The following ETFBKMT variants were observed in gnomAD, a reference collection of about 807,000 sequenced individuals.
The protein encoded by ETFBKMT is electron transfer flavoprotein subunit beta lysine methyltransferase.
Under a neutral mutation model 18.3 loss-of-function variants are expected in ETFBKMT, and 13 were observed. The observed-to-expected ratio is 0.71, with a 90% CI of 0.46 to 1.13. The LOEUF (loss-of-function observed/expected upper bound fraction) is 1.13. Among genes scored for constraint, ETFBKMT ranks in the 50% most tolerant of loss-of-function variants. ETFBKMT has a pLI of 0.00. For synonymous variants in ETFBKMT, 84 were observed against 107.9 expected, an observed-to-expected ratio of 0.78 and a Z score of 1.37; for missense variants, 293 against 306.2, an observed-to-expected ratio of 0.96 and a Z score of 0.32.
rs556605751 is a variant in ETFBKMT, at chr12:31,670,199, A to G, written c.*2209A>G. 1.3e-5 allele frequency: 2 copies of G among 152,326 alleles called. No individual in the cohort carries two copies. Among genetic ancestry groups the G allele is most frequent in the African/African-American group, 2.4e-5 (1 of 41,560 alleles). The allele number at this position is 152,326 out of a possible 1,614,324, so 9.4% of individuals were successfully genotyped here. A position where few individuals can be genotyped will look rare whatever the true frequency, so the allele number is the denominator to read the frequency against. On this transcript the variant is annotated 3_prime_UTR_variant, in exon 4 of 4. Coordinates refer to ENST00000357721, the MANE Select transcript of ETFBKMT (RefSeq NM_001135863.2). ...ATCCACATGGAGCCTCCAGCAACTC[A>G]GGAATTACAGCATAAATGTTCCTAT...
At chr12:31,649,769 C>CTTTT (rs61406039) in intron 1 of ETFBKMT, among the ~76,000 whole-genome samples, 10 of 142,786 alleles carry the variant, frequency 7.0e-5, no homozygotes, top group South Asian at 2.2e-4. Flanking sequence ...TTTTCCTTTT[C>CTTTT]TTTTTTTTTT....
chr12:31,652,799 G>A lies in ETFBKMT; in HGVS notation c.-114+5544G>A, dbSNP rs910873868. On this transcript the variant is annotated intron_variant, in intron 1 of 3. Coordinates refer to the ETFBKMT transcript ENST00000412352. ...GGTTAGTTGTGGAGTGTGCACGTGT[G>A]TGTGAGAGAAAGATTGAGAGAGAAT... is the stretch of plus-strand genomic sequence containing the variant. 3.7e-4 allele frequency among the ~76,000 whole-genome samples: 56 copies of A among 152,232 alleles called. 2 individuals are homozygous for A. The highest frequency in any genetic ancestry group is 1.0e-4 in the Non-Finnish European group (7 of 68,034).
In ETFBKMT at chr12:31,668,084, T is replaced by A; in HGVS notation, c.*94T>A. 1 of 957,784 alleles carries A rather than the reference T, an allele frequency of 1.0e-6. No individual in the cohort carries two copies. The highest frequency in any genetic ancestry group is 1.5e-6 in the Non-Finnish European group (1 of 654,562). The allele number at this position is 957,784 out of a possible 1,614,324, so 59.3% of individuals were successfully genotyped here. A position where few individuals can be genotyped will look rare whatever the true frequency, so the allele number is the denominator to read the frequency against. On this transcript the variant is annotated 3_prime_UTR_variant, in exon 4 of 4. Coordinates refer to ENST00000357721, the MANE Select transcript of ETFBKMT (RefSeq NM_001135863.2). ...GAGATACTCTCCAGTTTAATGAATG[T>A]AATTCTTGTTAAATGGAAAATCTTG... is the stretch of plus-strand genomic sequence containing the variant.
At chr12:31,663,972 G>T (rs1951162789) in intron 2 of ETFBKMT, among the ~76,000 whole-genome samples, 2 of 151,174 alleles carry the variant, frequency 1.3e-5, no homozygotes, top group South Asian at 2.1e-4. Flanking sequence ...TCCTTATCTT[G>T]CATGTTCTAA....
chr12:31,666,364 T>A, intron 3 of ETFBKMT, 147 bp downstream of exon 3: 1 of 866,692 alleles, frequency 1.2e-6, no homozygotes, highest in Non-Finnish European at 1.7e-6. Flanking sequence ...ACATTATCTG[T>A]AGGAATCCCC....
chr12:31,656,893 C>T (rs1951066666), upstream of ETFBKMT, among the ~76,000 whole-genome samples: 2 of 152,208 alleles, frequency 1.3e-5, no homozygotes, highest in Admixed American at 6.5e-5. Context: ...CTCATCAACA[C>T]TATCTCTGTG....
At chr12:31,650,626 C>CTTTTTTTTTTTTTTTTTTTTTTTTTTTTT (rs543201341) in intron 1 of ETFBKMT, among the ~76,000 whole-genome samples, 2 of 140,640 alleles carry the variant, frequency 1.4e-5, no homozygotes, top group Admixed American at 7.4e-5. Flanking sequence ...AATGACCTGA[C>CTTTTTTTTTTTTTTTTTTTTTTTTTTTTT]CTTTTTTTTT....
Position 31,671,133 on chromosome 12 carries a change from G to A in ETFBKMT, c.*3143G>A, listed in dbSNP as rs1433224731. ...CTAGTTTCTGCAAAAAGGGGAAAAT[G>A]TGATTGACTTGGTTAAATATTCAGT... On this transcript the variant is annotated 3_prime_UTR_variant, in exon 4 of 4. Coordinates refer to ENST00000357721, the MANE Select transcript of ETFBKMT (RefSeq NM_001135863.2). 1.3e-5 allele frequency: 2 copies of A among 152,194 alleles called. No individual in the cohort carries two copies. The highest frequency in any genetic ancestry group is 2.4e-5 in the African/African-American group (1 of 41,452). 9.4% of individuals were successfully genotyped at this position (152,194 alleles called of 1,614,324 possible). A position where few individuals can be genotyped will look rare whatever the true frequency, so the allele number is the denominator to read the frequency against.
At chr12:31,663,596 C>T (rs571035323) in intron 2 of ETFBKMT, among the ~76,000 whole-genome samples, 1 of 152,328 alleles carries the variant, frequency 6.6e-6, no homozygotes, top group South Asian at 2.1e-4. Flanking sequence ...TGTCAAGTCC[C>T]AGGTTCTTAG....
rs750684753 is a variant in ETFBKMT at position 31,666,170 on chromosome 12, CTAAGA to C, written c.400_404del (p.Lys134GlufsTer10). The stretch of plus-strand genomic sequence containing the variant: ...GGATGTGGAGCTACAGCTATTGCTG[CTAAGA>C]TGAGTGGGGCATCAAGGATCTTGGC... On this transcript the variant is annotated frameshift_variant, in exon 3 of 4. Transcript: ENST00000357721. LOFTEE classifies it low-confidence loss of function (END_TRUNC). 14 of 1,614,110 alleles carry C rather than the reference CTAAGA, an allele frequency of 8.7e-6. No homozygotes were observed. In the East Asian group the frequency reaches 2.9e-4, roughly 33 times the overall value.
chr12:31,658,408 A>G (rs1951079957), upstream of ETFBKMT, among the ~76,000 whole-genome samples: 1 of 152,200 alleles, frequency 6.6e-6, no homozygotes, highest in Admixed American at 6.5e-5. Context: ...TATCAACAAG[A>G]ATGTAGCAAA....
chr12:31,660,044 G>A (rs1263714130), intron 1 of ETFBKMT: 1 of 149,038 alleles, frequency 6.7e-6, no homozygotes, highest in Admixed American at 6.7e-5. Flanking sequence ...GCACGCCCCT[G>A]TAATCCCAGG....
Position 31,663,739 on chromosome 12 carries a change from G to A in ETFBKMT, c.314+1472G>A, listed in dbSNP as rs145153340. On this transcript the variant is annotated intron_variant, in intron 2 of 3. Transcript: ENST00000357721. ...CAGCCCCAGTTTGTTATAGTTCATG[G>A]CCTTTTATATGTTTTTTCCTCACTT... is the stretch of plus-strand genomic sequence containing the variant. Among the ~76,000 whole-genome samples the A allele has an allele frequency of 2.8e-3, 428 of 152,310 alleles. 3 individuals are homozygous for A. The highest frequency in any genetic ancestry group is 9.6e-3 in the African/African-American group (400 of 41,568).
At chr12:31,662,618 T>G (rs1368153364) in intron 2 of ETFBKMT, among the ~76,000 whole-genome samples, 1 of 151,544 alleles carries the variant, frequency 6.6e-6, no homozygotes, top group Non-Finnish European at 1.5e-5. Flanking sequence ...CATGAGCCTC[T>G]GAGCCTAGCC....
chr12:31,661,916 CA>C lies in ETFBKMT; in HGVS notation c.-37del. Reference sequence around the variant, plus strand: ...CTCCTTGAGAAGCAGCTATTATCAACAGAACATTGACAGAACCTGTGTTTGG... The same window carrying C: ...CTCCTTGAGAAGCAGCTATTATCAACGAACATTGACAGAACCTGTGTTTGG... On this transcript the variant is annotated 5_prime_UTR_variant, in exon 2 of 4. Transcript: ENST00000357721. The C allele has an allele frequency of 6.3e-7, 1 of 1,589,962 alleles. No individual in the cohort carries two copies. The highest frequency in any genetic ancestry group is 1.3e-5 in the African/African-American group (1 of 74,116).
At chr12:31,663,969 C>A (rs1951162691) in intron 2 of ETFBKMT, among the ~76,000 whole-genome samples, 1 of 151,828 alleles carries the variant, frequency 6.6e-6, no homozygotes, top group Admixed American at 6.6e-5. Context: ...TTTTCCTTAT[C>A]TTGCATGTTC....
rs200203445 is a variant in ETFBKMT, at chr12:31,667,630, CTTT to C, written c.446-6_446-4del. The C allele has an allele frequency of 1.2e-4, 165 of 1,377,084 alleles. No homozygotes were observed. Among genetic ancestry groups the C allele is most frequent in the South Asian group, 5.1e-4 (40 of 77,726 alleles). The allele number at this position is 1,377,084 out of a possible 1,614,324, so 85.3% of individuals were successfully genotyped here. On this transcript the variant is annotated splice_polypyrimidine_tract_variant and intron_variant, in intron 3 of 3. Coordinates refer to ENST00000357721, the MANE Select transcript of ETFBKMT (RefSeq NM_001135863.2). ...CTAGCATATACCAATTCATTTTGTG[CTTT>C]TTTTTTTTTTAAGTTGCAGGAATGG...
upstream of ETFBKMT, among the ~76,000 whole-genome samples, chr12:31,657,261 T>C (rs1417027803): frequency 6.6e-6 from 1 of 152,180 alleles, no homozygotes; most frequent in South Asian, 2.1e-4. Context: ...ATCACAAGGA[T>C]AGACAACAGC....
In ETFBKMT at chr12:31,667,269, A is replaced by G. The variant is rs147066824; in HGVS notation, c.446-378A>G. Among the ~76,000 whole-genome samples, 1,274 of 152,376 alleles carry G rather than the reference A, an allele frequency of 8.4e-3. 18 individuals carry two copies. Among genetic ancestry groups the G allele is most frequent in the African/African-American group, 0.029 (1,202 of 41,590 alleles). On this transcript the variant is annotated intron_variant, in intron 3 of 3. Transcript: ENST00000357721. ...CTCGGCCTCCCAAAGTACTGGGATT[A>G]TAGGCGTGAGCCACTGCGCCCAGCC...
Sources: gnomAD v4.1 joint callset for allele counts (sites outside exome capture counted in the v4.1 genomes callset) on GRCh38, gnomAD v4.1.1 for gene constraint, MANE v1.5 for transcripts, NCBI Gene and HGNC (gene_info 2026-07-23, HGNC 2026-07-21) for gene names.